The following MCF2L2 variants were observed in gnomAD, a reference collection of about 807,000 sequenced individuals.
MCF2L2 encodes MCF.2 cell line derived transforming sequence-like 2.
Under a neutral mutation model 150.2 loss-of-function variants are expected in MCF2L2, and 102 were observed. That is an observed-to-expected ratio of 0.68 (90% CI 0.58 to 0.80). MCF2L2 has a LOEUF of 0.80. MCF2L2 is among the 30% of genes least tolerant of loss of function. The pLI, the probability that MCF2L2 is intolerant of heterozygous loss-of-function variation, is 0.00. For missense variants in MCF2L2, 1,256 were observed against 1,372.8 expected (o/e 0.91, Z 1.34); for synonymous variants, 465 against 491.3 (o/e 0.95, Z 0.71).
In MCF2L2 at chr3:183,193,035, T is replaced by C; in HGVS notation, c.2980A>G (p.Lys994Glu). The C allele has an allele frequency of 6.2e-7, 1 of 1,614,210 alleles. No homozygotes were observed. The highest frequency in any genetic ancestry group is 8.5e-7 in the Non-Finnish European group (1 of 1,180,038). ...IKNMERATTSKEDPASSTGGI... is the reference protein window; with the variant it reads ...IKNMERATTSEEDPASSTGGI... Reference sequence around the variant, plus strand: ...CCTGTGCTGGAGGCCGGGTCTTCCTTGCTAGTGGTAGCTCTTTCCATATTT... The same window carrying C: ...CCTGTGCTGGAGGCCGGGTCTTCCTCGCTAGTGGTAGCTCTTTCCATATTT... Residue 994 changes from lysine to glutamate, a missense_variant, in exon 27 of 30, where the codon AAG becomes GAG. Physicochemically the swap from Lys to Glu is moderately conservative, Grantham distance 56. Coordinates refer to ENST00000328913, the MANE Select transcript of MCF2L2 (RefSeq NM_015078.4).
At chr3:183,350,157 A>G (rs1577081898) in intron 3 of MCF2L2, among the ~76,000 whole-genome samples, 1 of 152,322 alleles carries the variant, frequency 6.6e-6, no homozygotes, top group African/African-American at 2.4e-5. Flanking sequence ...CTGGAAAAAT[A>G]CCTGTGAACA....
intron 1 of MCF2L2, among the ~76,000 whole-genome samples, chr3:183,406,635 C>T (rs890820662): frequency 5.9e-5 from 9 of 152,066 alleles, no homozygotes; most frequent in Admixed American, 5.9e-4. Flanking sequence ...ATTACAGGCG[C>T]CTGCCACCAT....
chr3:183,391,896 TC>T (rs771907919), intron 1 of MCF2L2, among the ~76,000 whole-genome samples: 5,358 of 150,286 alleles, frequency 0.036, 242 homozygotes, highest in African/African-American at 0.12. Flanking sequence ...TTTTGATTTC[TC>T]TTTTTTAAGA....
At chr3:183,413,864 C>T (rs919729828) in intron 1 of MCF2L2, among the ~76,000 whole-genome samples, 3 of 152,154 alleles carry the variant, frequency 2.0e-5, no homozygotes, top group Non-Finnish European at 4.4e-5. Flanking sequence ...TCTTTATCCT[C>T]GTTGTCTTCA....
At chr3:183,348,222 T>TA (rs1730976310) in intron 3 of MCF2L2, among the ~76,000 whole-genome samples, 1 of 151,886 alleles carries the variant, frequency 6.6e-6, no homozygotes, top group Admixed American at 6.6e-5. Flanking sequence ...TATGCAGCCA[T>TA]AAAAAAAGAA....
chr3:183,250,340 C>A (rs1467529270), intron 15 of MCF2L2, among the ~76,000 whole-genome samples: 2 of 152,164 alleles, frequency 1.3e-5, no homozygotes, highest in Non-Finnish European at 2.9e-5. Flanking sequence ...AGTCCCAGCA[C>A]TTTGGGAGGC....
intron 22 of MCF2L2, among the ~76,000 whole-genome samples, chr3:183,214,672 G>C (rs1722847989): frequency 6.6e-6 from 1 of 151,968 alleles, no homozygotes; most frequent in Non-Finnish European, 1.5e-5. Flanking sequence ...ACGCAGAAGA[G>C]GGGGTCACAG....
intron 5 of MCF2L2, 51 bp downstream of exon 5, chr3:183,338,749 T>C (rs1239634493): frequency 2.6e-6 from 4 of 1,549,360 alleles, no homozygotes; most frequent in Middle Eastern, 1.7e-4. Context: ...CCAAATGCCA[T>C]CTTAGCCAGA....
At chr3:183,294,255 C>T (rs1371364711) in intron 13 of MCF2L2, among the ~76,000 whole-genome samples, 1 of 152,194 alleles carries the variant, frequency 6.6e-6, no homozygotes, top group African/African-American at 2.4e-5. Context: ...ACCAATTTTA[C>T]TACTCCATTG....
At chr3:183,330,084 T>TA (rs66925414) in intron 5 of MCF2L2, among the ~76,000 whole-genome samples, 6,643 of 144,368 alleles carry the variant, frequency 0.046, 465 homozygotes, top group African/African-American at 0.15. Flanking sequence ...AAAAATAAAT[T>TA]AAAAAAAAAA....
chr3:183,338,951 A>T, intron 4 of MCF2L2, 32 bp from the exon 5 acceptor site: 1 of 1,582,832 alleles, frequency 6.3e-7, no homozygotes, highest in South Asian at 1.1e-5. Flanking sequence ...TCAGGAGGAG[A>T]GAGAAAAATG....
intron 15 of MCF2L2, chr3:183,276,572 C>T (rs765010760): frequency 3.6e-5 from 11 of 309,712 alleles, no homozygotes; most frequent in Non-Finnish European, 5.3e-5. Flanking sequence ...TGTGTTTAAA[C>T]CAATAATTCA....
At chr3:183,388,810 G>A (rs536334166) in intron 2 of MCF2L2, among the ~76,000 whole-genome samples, 5 of 152,302 alleles carry the variant, frequency 3.3e-5, no homozygotes, top group Non-Finnish European at 7.4e-5. Flanking sequence ...AAATCAGTGG[G>A]ATGAGGAGCT....
intron 15 of MCF2L2, among the ~76,000 whole-genome samples, chr3:183,261,702 C>T (rs1224803001): frequency 1.3e-5 from 2 of 151,646 alleles, no homozygotes; most frequent in African/African-American, 2.4e-5. Flanking sequence ...TTATTTCCCC[C>T]GCAAGGAAAA....
In MCF2L2 at chr3:183,280,219, T is replaced by C. The variant is rs911215613; in HGVS notation, c.1777-3262A>G. On this transcript the variant is annotated intron_variant, in intron 14 of 29. Transcript: ENST00000328913. Reference sequence around the variant, plus strand: ...CCTTGAAAGGTAACTTCTTACATCTTTCCAAAACACTTATAATCTAATTGT... The same window carrying C: ...CCTTGAAAGGTAACTTCTTACATCTCTCCAAAACACTTATAATCTAATTGT... 2.0e-5 allele frequency among the ~76,000 whole-genome samples: 3 copies of C among 152,136 alleles called. No homozygotes were observed. In the South Asian group the frequency reaches 6.2e-4, roughly 31 times the overall value.
intron 3 of MCF2L2, among the ~76,000 whole-genome samples, chr3:183,370,618 T>A (rs749650955): frequency 3.9e-5 from 6 of 152,144 alleles, no homozygotes; most frequent in Non-Finnish European, 7.4e-5. Context: ...TCTAAAACAA[T>A]CACCCAGGCA....
intron 7 of MCF2L2, among the ~76,000 whole-genome samples, chr3:183,312,955 G>A (rs1219426121): frequency 6.6e-6 from 1 of 152,106 alleles, no homozygotes; most frequent in African/African-American, 2.4e-5. Context: ...TTAGCCACAT[G>A]GCTGGCACTT....
intron 1 of MCF2L2, among the ~76,000 whole-genome samples, chr3:183,406,500 T>TAACC (rs1350342664): frequency 2.0e-5 from 3 of 151,152 alleles, no homozygotes; most frequent in African/African-American, 7.3e-5. Flanking sequence ...AGTCTTGGTT[T>TAACC]TTTTTGAGAC....
At chr3:183,211,445 C>T (rs1415273725) in intron 22 of MCF2L2, among the ~76,000 whole-genome samples, 1 of 152,178 alleles carries the variant, frequency 6.6e-6, no homozygotes. Flanking sequence ...TTCTCAGGAC[C>T]ACACATATGA....
Sources: gnomAD v4.1 joint callset for allele counts (sites outside exome capture counted in the v4.1 genomes callset) on GRCh38, gnomAD v4.1.1 for gene constraint, MANE v1.5 for transcripts, NCBI Gene and HGNC (gene_info 2026-07-23, HGNC 2026-07-21) for gene names.